SEM1: variants seen among roughly 807,000 people sequenced by gnomAD.
SEM1 encodes 26S proteasome complex subunit SEM1.
In SEM1, 3 loss-of-function variants were observed where a neutral mutation model predicts 12.7. That is an observed-to-expected ratio of 0.24 (90% CI 0.11 to 0.61). SEM1 has a LOEUF of 0.61. Ranked by LOEUF, SEM1 falls within the 20% of genes least tolerant of loss-of-function variation. The probability of loss-of-function intolerance (pLI) is 0.88; values close to 1 mark genes in which losing one functional copy is unlikely to be tolerated. For synonymous variants in SEM1, 30 were observed against 27.8 expected (o/e 1.08, Z -0.25); for missense variants, 59 against 81.3 (o/e 0.73, Z 1.06).
At chr7:96,496,076 T>A (rs1200647286) in intron 1 of SEM1, among the ~76,000 whole-genome samples, 4 of 152,128 alleles carry the variant, frequency 2.6e-5, no homozygotes, top group African/African-American at 9.7e-5. Flanking sequence ...CTGAGATCAT[T>A]CTTGTTTGGA....
intron 2 of SEM1, among the ~76,000 whole-genome samples, chr7:96,527,852 C>T (rs1804515611): frequency 6.6e-6 from 1 of 152,108 alleles, no homozygotes; most frequent in Non-Finnish European, 1.5e-5. Flanking sequence ...TTCCACATCC[C>T]CAGATGGCAT....
At chr7:96,519,942 T>C (rs1474122855) in intron 2 of SEM1, among the ~76,000 whole-genome samples, 5 of 152,058 alleles carry the variant, frequency 3.3e-5, no homozygotes, top group Admixed American at 6.6e-5. Context: ...AGGGGCCTCT[T>C]GATAGACTTC....
At position 96,542,555 on chromosome 7, in the gene SEM1, G is replaced by A. The variant is rs558994791; in HGVS notation, c.171-35857C>T. Among the ~76,000 whole-genome samples, 9 of 151,754 alleles carry A rather than the reference G, an allele frequency of 5.9e-5. No individual in the cohort carries two copies. In the Middle Eastern group the frequency reaches 0.01, roughly 172 times the overall value. ...GATTTTAAAATAGGAAAAAGGACAC[G>A]AACTGATGATTCATAATAGAAAACA... On this transcript the variant is annotated intron_variant and NMD_transcript_variant, in intron 2 of 3. Coordinates refer to the SEM1 transcript ENST00000466986.
At chr7:96,519,898 C>T (rs562367027) in intron 2 of SEM1, among the ~76,000 whole-genome samples, 194 of 152,140 alleles carry the variant, frequency 1.3e-3, no homozygotes, top group South Asian at 2.5e-3. Flanking sequence ...ACCTAACAGT[C>T]ATGTACTTGC....
At chr7:96,662,573 G>A (rs921629693) in intron 2 of SEM1, among the ~76,000 whole-genome samples, 14 of 152,084 alleles carry the variant, frequency 9.2e-5, no homozygotes, top group Admixed American at 9.2e-4. Context: ...AATGCATGCG[G>A]GTCTTAAAAC....
At chr7:96,681,870 T>C (rs1415418773) in intron 2 of SEM1, among the ~76,000 whole-genome samples, 2 of 152,168 alleles carry the variant, frequency 1.3e-5, no homozygotes, top group Non-Finnish European at 2.9e-5. Context: ...CTATGCAGGC[T>C]CTTTTTTGGT....
At chr7:96,502,872 A>C (rs1284303608) in intron 3 of SEM1, among the ~76,000 whole-genome samples, 1 of 152,222 alleles carries the variant, frequency 6.6e-6, no homozygotes, top group African/African-American at 2.4e-5. Context: ...ATGCAACTTC[A>C]CCATAAGAGG....
chr7:96,624,539 T>A (rs914531388), intron 2 of SEM1, among the ~76,000 whole-genome samples: 5 of 151,946 alleles, frequency 3.3e-5, no homozygotes, highest in Admixed American at 2.0e-4. Context: ...ATGGGGATAA[T>A]AATAATAATA....
chr7:96,489,782 C>G (rs544378655), intron 1 of SEM1, among the ~76,000 whole-genome samples: 1 of 152,290 alleles, frequency 6.6e-6, no homozygotes, highest in African/African-American at 2.4e-5. Context: ...TTGTATCACT[C>G]TAGTCTCTGC....
intron 2 of SEM1, among the ~76,000 whole-genome samples, chr7:96,657,092 T>C (rs1809206738): frequency 6.6e-6 from 1 of 152,030 alleles, no homozygotes. Flanking sequence ...AGTAAGAAAA[T>C]TTAAGTTGGA....
intron 2 of SEM1, among the ~76,000 whole-genome samples, chr7:96,591,174 G>A (rs992735654): frequency 2.6e-5 from 4 of 152,054 alleles, no homozygotes; most frequent in African/African-American, 9.7e-5. Flanking sequence ...AACTACACAA[G>A]ATTCACAAAA....
At chr7:96,562,979 AGAT>A (rs1441191996) in intron 2 of SEM1, among the ~76,000 whole-genome samples, 5 of 152,202 alleles carry the variant, frequency 3.3e-5, no homozygotes, top group Non-Finnish European at 7.3e-5. Flanking sequence ...AGTCATTGGA[AGAT>A]GATAAGATGT....
chr7:96,623,673 A>G (rs1807966333), intron 2 of SEM1, among the ~76,000 whole-genome samples: 1 of 151,558 alleles, frequency 6.6e-6, no homozygotes, highest in African/African-American at 2.4e-5. Context: ...ATATGGAAGA[A>G]TATCCTGATT....
intron 2 of SEM1, among the ~76,000 whole-genome samples, chr7:96,682,656 G>A (rs191258364): frequency 2.1e-4 from 32 of 152,102 alleles, no homozygotes; most frequent in Non-Finnish European, 3.4e-4. Flanking sequence ...GGCAACAAAA[G>A]CCAGAACTGA....
At chr7:96,611,651 T>C (rs1424138162) in intron 2 of SEM1, among the ~76,000 whole-genome samples, 1 of 152,238 alleles carries the variant, frequency 6.6e-6, no homozygotes, top group Admixed American at 6.5e-5. Flanking sequence ...ATGAGTTTGA[T>C]GAATACCATG....
chr7:96,638,601 A>T (rs1235060520), intron 2 of SEM1, among the ~76,000 whole-genome samples: 1 of 151,954 alleles, frequency 6.6e-6, no homozygotes, highest in East Asian at 1.9e-4. Context: ...CTAGTAACAT[A>T]ATTACAATCA....
At chr7:96,578,318 C>G (rs1806273820) in intron 2 of SEM1, among the ~76,000 whole-genome samples, 1 of 151,072 alleles carries the variant, frequency 6.6e-6, no homozygotes, top group Non-Finnish European at 1.5e-5. Flanking sequence ...CGCAATGAAA[C>G]TGCAGATTGC....
intron 2 of SEM1, among the ~76,000 whole-genome samples, chr7:96,584,796 C>T (rs1194362494): frequency 7.2e-5 from 11 of 152,084 alleles, no homozygotes; most frequent in African/African-American, 7.2e-5. Context: ...ACATAGTTCT[C>T]GAGCCTTGGT....
At chr7:96,579,476 T>C (rs939412142) in intron 2 of SEM1, among the ~76,000 whole-genome samples, 2 of 152,210 alleles carry the variant, frequency 1.3e-5, no homozygotes, top group African/African-American at 4.8e-5. Flanking sequence ...TGAATTAGAA[T>C]GTAAAGCTAC....
Sources: gnomAD v4.1 joint callset for allele counts (sites outside exome capture counted in the v4.1 genomes callset) on GRCh38, gnomAD v4.1.1 for gene constraint, MANE v1.5 for transcripts, NCBI Gene and HGNC (gene_info 2026-07-23, HGNC 2026-07-21) for gene names.